Variants in GABRA3 observed in about 807,000 individuals in gnomAD.
GABRA3 encodes the protein gamma-aminobutyric acid receptor subunit alpha-3.
In GABRA3, 10 loss-of-function variants were observed where a neutral mutation model predicts 30.1. The ratio of observed to expected loss-of-function variants is 0.33; its 90% CI spans 0.20 to 0.56. The LOEUF (loss-of-function observed/expected upper bound fraction) is 0.56. Among genes scored for constraint, GABRA3 ranks in the 20% least tolerant of loss-of-function variants. GABRA3 has a pLI of 0.89. For synonymous variants in GABRA3, 151 were observed against 146.8 expected (o/e 1.03, Z -0.21); for missense variants, 233 against 392.0 (o/e 0.59, Z 3.42).
chrX:152,258,604 A>G (rs951829585), intron 4 of GABRA3, among the ~76,000 whole-genome samples: 2 of 111,895 alleles, frequency 1.8e-5, no homozygotes, highest in African/African-American at 6.5e-5. Context: ...ATACATTACA[A>G]TAGATCCCAG....
intron 4 of GABRA3, among the ~76,000 whole-genome samples, chrX:152,263,193 G>T (rs767663275): frequency 9.0e-6 from 1 of 110,654 alleles, no homozygotes; most frequent in Non-Finnish European, 1.9e-5. Context: ...TTTAAGATGA[G>T]TTTTGGGTGG....
intron 6 of GABRA3, among the ~76,000 whole-genome samples, chrX:152,223,412 T>A (rs1937879037): frequency 9.0e-6 from 1 of 111,695 alleles, no homozygotes; most frequent in Non-Finnish European, 1.9e-5. Context: ...ATAAGTCAGA[T>A]AATGCCATTC....
chrX:152,234,234 C>CA (rs1048953882), intron 5 of GABRA3, among the ~76,000 whole-genome samples: 22 of 109,483 alleles, frequency 2.0e-4, no homozygotes, highest in Non-Finnish European at 3.2e-4. Context: ...TTTTTCCCCT[C>CA]AAAAAAAATA....
chrX:152,435,389 T>C (rs1340049684), intron 1 of GABRA3, among the ~76,000 whole-genome samples: 2 of 111,542 alleles, frequency 1.8e-5, no homozygotes, highest in Non-Finnish European at 3.8e-5. Context: ...ATGTGGCACA[T>C]ATACACCAGG....
chrX:152,440,188 C>A, intron 1 of GABRA3, among the ~76,000 whole-genome samples: 1 of 111,976 alleles, frequency 8.9e-6, no homozygotes, highest in Non-Finnish European at 1.9e-5. Flanking sequence ...AAAAAAACAA[C>A]CCCATCAAAA....
intron 1 of GABRA3, among the ~76,000 whole-genome samples, chrX:152,395,815 A>G (rs1291819372): frequency 8.9e-6 from 1 of 112,376 alleles, no homozygotes; most frequent in Non-Finnish European, 1.9e-5. Flanking sequence ...CAGTGTGATA[A>G]CCATGACATA....
chrX:152,288,541 A>T (rs1416059443), intron 3 of GABRA3, among the ~76,000 whole-genome samples: 1 of 112,449 alleles, frequency 8.9e-6, no homozygotes, highest in Non-Finnish European at 1.9e-5. Flanking sequence ...AATAGATCAC[A>T]TGAGCCACCC....
At chrX:152,233,503 T>C (rs1295283484) in intron 5 of GABRA3, among the ~76,000 whole-genome samples, 1 of 109,301 alleles carries the variant, frequency 9.1e-6, no homozygotes, top group East Asian at 2.9e-4. Flanking sequence ...TGAGATACCA[T>C]CTCACACCAG....
chrX:152,260,069 T>G (rs1400694316), intron 4 of GABRA3, among the ~76,000 whole-genome samples: 4 of 109,958 alleles, frequency 3.6e-5, no homozygotes, highest in African/African-American at 9.9e-5. Flanking sequence ...GAAGAGCTTT[T>G]GGGCCTTAAG....
At chrX:152,202,543 C>T (rs957600555) in intron 7 of GABRA3, among the ~76,000 whole-genome samples, 5 of 110,366 alleles carry the variant, frequency 4.5e-5, no homozygotes, top group Non-Finnish European at 9.5e-5. Flanking sequence ...CACGTATCTT[C>T]GATAATTAAA....
At chrX:152,193,036 TG>T (rs1937343155) in intron 8 of GABRA3, among the ~76,000 whole-genome samples, 2 of 112,095 alleles carry the variant, frequency 1.8e-5, no homozygotes, top group African/African-American at 6.5e-5. Flanking sequence ...ATATTTTCTT[TG>T]ATGTCTAGCG....
At chrX:152,348,522 C>T (rs181908233) in intron 2 of GABRA3, among the ~76,000 whole-genome samples, 1 of 111,424 alleles carries the variant, frequency 9.0e-6, no homozygotes, top group Non-Finnish European at 1.9e-5. Context: ...ATTTTCCTAG[C>T]CCTAAAGATG....
intron 2 of GABRA3, among the ~76,000 whole-genome samples, chrX:152,360,347 A>G (rs1178665032): frequency 1.2e-5 from 1 of 84,016 alleles, no homozygotes; most frequent in East Asian, 4.0e-4. Context: ...TGACTTTTTA[A>G]TGATTGCCAT....
intron 2 of GABRA3, among the ~76,000 whole-genome samples, chrX:152,358,056 C>T (rs1603247306): frequency 9.5e-6 from 1 of 105,734 alleles, no homozygotes; most frequent in East Asian, 2.9e-4. Context: ...GTTCCATATA[C>T]ATTTTAAAAT....
chrX:152,323,259 A>G (rs1404272686), intron 3 of GABRA3, among the ~76,000 whole-genome samples: 1 of 111,290 alleles, frequency 9.0e-6, no homozygotes, highest in Admixed American at 9.5e-5. Flanking sequence ...AGCCATTCTG[A>G]GCATGTTTTT....
intron 3 of GABRA3, among the ~76,000 whole-genome samples, chrX:152,320,842 G>A (rs746632052): frequency 1.8e-5 from 2 of 112,100 alleles, no homozygotes; most frequent in East Asian, 2.8e-4. Context: ...TAATCACACA[G>A]AGGAGGGATC....
chrX:152,235,054 T>G (rs1190729305), intron 5 of GABRA3, among the ~76,000 whole-genome samples: 1 of 112,018 alleles, frequency 8.9e-6, no homozygotes, highest in Non-Finnish European at 1.9e-5. Flanking sequence ...TCTAGATTGC[T>G]TTGAATAGTG....
At chrX:152,173,111 G>A (rs771290047) in intron 9 of GABRA3, among the ~76,000 whole-genome samples, 35 of 110,779 alleles carry the variant, frequency 3.2e-4, no homozygotes, top group Non-Finnish European at 5.7e-4. Context: ...ATTCAGAGGG[G>A]CATGAATAAT....
chrX:152,345,480 A>C (rs1290337026), intron 3 of GABRA3, 101 bp downstream of exon 3: 2 of 906,322 alleles, frequency 2.2e-6, no homozygotes, highest in Non-Finnish European at 3.0e-6. Flanking sequence ...CACTAATCTC[A>C]TTGGCCAATA....
Sources: gnomAD v4.1 joint callset for allele counts (sites outside exome capture counted in the v4.1 genomes callset) on GRCh38, gnomAD v4.1.1 for gene constraint, MANE v1.5 for transcripts, NCBI Gene and HGNC (gene_info 2026-07-23, HGNC 2026-07-21) for gene names.